KIAA1217: variants seen among roughly 807,000 people sequenced by gnomAD.
The protein encoded by KIAA1217 is sickle tail protein homolog.
KIAA1217 carries 88 observed loss-of-function variants against 163.9 expected under a neutral mutation model. The ratio of observed to expected loss-of-function variants is 0.54; its 90% CI spans 0.45 to 0.64. The LOEUF (loss-of-function observed/expected upper bound fraction) is 0.64, where lower values mean the gene tolerates loss of function less well. KIAA1217 is among the 30% of genes least tolerant of loss of function. The pLI, the probability that KIAA1217 is intolerant of heterozygous loss-of-function variation, is 0.00. For missense variants in KIAA1217, 2,372 were observed against 2,475.0 expected, an observed-to-expected ratio of 0.96 and a Z score of 0.88; for synonymous variants, 903 against 923.1, an observed-to-expected ratio of 0.98 and a Z score of 0.39.
intron 1 of KIAA1217, among the ~76,000 whole-genome samples, chr10:23,727,991 G>T (rs1838265863): frequency 6.6e-6 from 1 of 152,068 alleles, no homozygotes; most frequent in Admixed American, 6.5e-5. Context: ...CCTTTTTTAT[G>T]GCTGCATAGT....
At chr10:24,305,197 T>C (rs1428049520) in intron 2 of KIAA1217, among the ~76,000 whole-genome samples, 1 of 152,136 alleles carries the variant, frequency 6.6e-6, no homozygotes, top group Non-Finnish European at 1.5e-5. Flanking sequence ...TGGGGAGATA[T>C]TGTAGCCAGG....
At chr10:23,720,717 A>G (rs532382148) in intron 1 of KIAA1217, among the ~76,000 whole-genome samples, 5 of 152,312 alleles carry the variant, frequency 3.3e-5, no homozygotes, top group Admixed American at 2.6e-4. Flanking sequence ...GTTAAATGAA[A>G]AAGATATTGG....
chr10:24,353,394 G>C (rs1206044409), intron 2 of KIAA1217, among the ~76,000 whole-genome samples: 6 of 152,124 alleles, frequency 3.9e-5, no homozygotes, highest in Non-Finnish European at 8.8e-5. Context: ...CGACAGGAGG[G>C]GTGTTCCAGG....
chr10:24,198,534 G>T (rs974926134), intron 2 of KIAA1217, among the ~76,000 whole-genome samples: 1 of 150,326 alleles, frequency 6.7e-6, no homozygotes, highest in Non-Finnish European at 1.5e-5. Context: ...GCTTGAACCC[G>T]AGAGGCAGAG....
intron 1 of KIAA1217, among the ~76,000 whole-genome samples, chr10:23,984,637 G>A (rs536961932): frequency 1.3e-5 from 2 of 152,114 alleles, no homozygotes; most frequent in South Asian, 2.1e-4. Flanking sequence ...GCTGGAAACC[G>A]TCATTCTCAG....
At chr10:24,067,322 G>C (rs989206922) in intron 2 of KIAA1217, among the ~76,000 whole-genome samples, 1 of 152,160 alleles carries the variant, frequency 6.6e-6, no homozygotes, top group East Asian at 1.9e-4. Context: ...TGGGTTTTTG[G>C]TATGGATGTC....
chr10:23,945,301 G>A (rs563248401), intron 1 of KIAA1217, among the ~76,000 whole-genome samples: 1 of 152,244 alleles, frequency 6.6e-6, no homozygotes, highest in East Asian at 1.9e-4. Flanking sequence ...AGCAATAAAA[G>A]AGGTAAATAT....
intron 2 of KIAA1217, among the ~76,000 whole-genome samples, chr10:24,096,957 G>A (rs1429898436): frequency 6.6e-6 from 1 of 152,068 alleles, no homozygotes; most frequent in African/African-American, 2.4e-5. Context: ...ATATCTATTG[G>A]ACAGAAAAAC....
chr10:23,980,177 G>A (rs118125223), intron 1 of KIAA1217, among the ~76,000 whole-genome samples: 2,365 of 152,154 alleles, frequency 0.016, 38 homozygotes, highest in Middle Eastern at 0.034. Context: ...ACTTCACTCC[G>A]TGTCTAATGA....
chr10:24,492,076 C>A (rs867750391), intron 6 of KIAA1217, among the ~76,000 whole-genome samples: 1 of 152,318 alleles, frequency 6.6e-6, no homozygotes, highest in East Asian at 1.9e-4. Context: ...GATAGAGTCC[C>A]TGTGGGACGA....
intron 11 of KIAA1217, among the ~76,000 whole-genome samples, chr10:24,521,337 GA>G (rs796783814): frequency 2.1e-5 from 3 of 145,874 alleles, no homozygotes; most frequent in South Asian, 4.4e-4. Context: ...CTCAAAAAAA[GA>G]AAAAAAAAGT....
At chr10:23,898,161 T>C (rs1045292246) in intron 1 of KIAA1217, among the ~76,000 whole-genome samples, 1 of 152,026 alleles carries the variant, frequency 6.6e-6, no homozygotes, top group Non-Finnish European at 1.5e-5. Context: ...CTAACCAGGA[T>C]ACCGGGTACT....
chr10:23,718,250 G>A (rs894224398), intron 1 of KIAA1217, among the ~76,000 whole-genome samples: 3 of 152,192 alleles, frequency 2.0e-5, no homozygotes, highest in Non-Finnish European at 2.9e-5. Context: ...GTTAAAATAA[G>A]TGACTGCTTC....
chr10:23,923,847 A>C (rs1282095141), intron 1 of KIAA1217, among the ~76,000 whole-genome samples: 1 of 152,162 alleles, frequency 6.6e-6, no homozygotes, highest in Non-Finnish European at 1.5e-5. Context: ...ATTTATTGAA[A>C]ATTTTAAATT....
intron 1 of KIAA1217, among the ~76,000 whole-genome samples, chr10:23,790,696 T>C (rs1028238179): frequency 2.4e-5 from 3 of 122,466 alleles, no homozygotes; most frequent in South Asian, 2.3e-4. Flanking sequence ...TATGTATATA[T>C]ACACACACAT....
At chr10:24,358,348 G>GA (rs1308468493) in intron 2 of KIAA1217, among the ~76,000 whole-genome samples, 1 of 152,148 alleles carries the variant, frequency 6.6e-6, no homozygotes, top group Non-Finnish European at 1.5e-5. Context: ...CACTTGCAGA[G>GA]ACGACCTGGG....
chr10:23,734,922 C>G (rs2130796439), intron 1 of KIAA1217, among the ~76,000 whole-genome samples: 1 of 152,012 alleles, frequency 6.6e-6, no homozygotes, highest in East Asian at 1.9e-4. Flanking sequence ...AAGTCTATAC[C>G]TGGTAGTTAT....
rs549897281 is a variant in KIAA1217 at position 24,494,210 on chromosome 10, C to T, written c.1680-290C>T. Among the ~76,000 whole-genome samples, 6 of 152,328 alleles carry T rather than the reference C, an allele frequency of 3.9e-5. No homozygotes were observed. The South Asian group carries it at 1.2e-3, about 32-fold the overall frequency. On this transcript the variant is annotated intron_variant, in intron 6 of 20. Transcript: ENST00000376454. ...AAAGAAAGAAAGCAGGGCAGAAAGACTCAAAAACATAGGATGTGCAAACAG... is the reference window on the plus strand; with the variant it reads ...AAAGAAAGAAAGCAGGGCAGAAAGATTCAAAAACATAGGATGTGCAAACAG...
At chr10:24,073,402 T>A (rs2061258638) in intron 2 of KIAA1217, among the ~76,000 whole-genome samples, 1 of 152,170 alleles carries the variant, frequency 6.6e-6, no homozygotes, top group African/African-American at 2.4e-5. Context: ...GCTTGAGGAA[T>A]CTGAAGAACA....
Sources: allele counts gnomAD v4.1 joint callset (sites outside exome capture counted in the v4.1 genomes callset), GRCh38; gene constraint gnomAD v4.1.1; transcripts MANE v1.5; gene names NCBI Gene and HGNC (gene_info 2026-07-23, HGNC 2026-07-21).